The following KDM5A variants were observed in gnomAD, a reference collection of about 807,000 sequenced individuals.
The protein encoded by KDM5A is lysine demethylase 5A.
Under a neutral mutation model 193.5 loss-of-function variants are expected in KDM5A, and 42 were observed. The ratio of observed to expected loss-of-function variants is 0.22; its 90% CI spans 0.17 to 0.28. The LOEUF is 0.28. Among genes scored for constraint, KDM5A ranks in the 10% least tolerant of loss-of-function variants. The probability of loss-of-function intolerance (pLI) is 1.00; values close to 1 mark genes in which losing one functional copy is unlikely to be tolerated. For synonymous variants in KDM5A, 796 were observed against 718.1 expected (o/e 1.11, Z -1.73); for missense variants, 1,692 against 2,055.1 (o/e 0.82, Z 3.42).
intron 17 of KDM5A, 44 bp from the exon 18 acceptor site, chr12:321,153 C>A: frequency 1.5e-6 from 2 of 1,371,374 alleles, no homozygotes; most frequent in South Asian, 2.3e-5. Flanking sequence ...AAAATTCAGT[C>A]ATTCTGATAT....
intron 1 of KDM5A, among the ~76,000 whole-genome samples, chr12:387,924 T>C (rs961298307): frequency 4.6e-5 from 7 of 152,172 alleles, no homozygotes; most frequent in African/African-American, 1.7e-4. Flanking sequence ...TCATTACTAA[T>C]ACTAGACAAA....
chr12:298,333 A>G (rs1943399492), intron 24 of KDM5A, among the ~76,000 whole-genome samples: 1 of 152,226 alleles, frequency 6.6e-6, no homozygotes, highest in African/African-American at 2.4e-5. Flanking sequence ...TCTGGGATGA[A>G]GCTTCCAGAG....
rs183355698 is a variant in KDM5A at position 373,464 on chromosome 12, T to G, written c.367-7360A>C. ...TTTATCATTTTTTATTGCGTCTATT[T>G]GATTCTTCTTTCCTTTTTTGTCTTG... On this transcript the variant is annotated intron_variant, in intron 3 of 27. Transcript: ENST00000399788. Among the ~76,000 whole-genome samples, 10 of 152,322 alleles carry G rather than the reference T, an allele frequency of 6.6e-5. No homozygotes were observed. The East Asian group carries it at 1.2e-3, about 18-fold the overall frequency.
chr12:311,110 G>A (rs755594730), intron 20 of KDM5A, 46 bp from the exon 21 acceptor site: 66 of 1,582,096 alleles, frequency 4.2e-5, no homozygotes, highest in Non-Finnish European at 5.3e-5. Flanking sequence ...CTCTTATGGG[G>A]TTTGGCAATA....
chr12:297,240 A>C (rs1441177998), intron 24 of KDM5A, 40 bp from the exon 25 acceptor site: 1 of 1,601,780 alleles, frequency 6.2e-7, no homozygotes, highest in African/African-American at 1.3e-5. Context: ...AATTAGAGTC[A>C]TTTAACTTAT....
Position 313,124 on chromosome 12 carries a change from T to G in KDM5A, c.2968A>C (p.Asn990His), listed in dbSNP as rs551298062. 1 of 1,614,108 alleles carries G rather than the reference T, an allele frequency of 6.2e-7. No individual in the cohort carries two copies. The highest frequency in any genetic ancestry group is 1.3e-5 in the African/African-American group (1 of 75,062). The change falls in exon 20 of 28, where the codon AAT (asparagine) becomes CAT (histidine). Residue 990 changes from asparagine (N) to histidine (H), a missense_variant. Around this residue, in one of 11 missense-constraint regions of KDM5A, gnomAD observed 965 missense variants for 1,061.0 expected, o/e 0.91. Transcript: ENST00000399788. ...AAGGCTTCTTTCAAGGACAACACAT[T>G]GGGTAGAAAGGCTGGAATGTTCTTG... Reference protein sequence around the residue: ...EAKNIPAFLPNVLSLKEALQK... With the variant: ...EAKNIPAFLPHVLSLKEALQK...
At chr12:290,014 C>T (rs1385798221) in intron 27 of KDM5A, among the ~76,000 whole-genome samples, 11 of 148,810 alleles carry the variant, frequency 7.4e-5, no homozygotes, top group East Asian at 2.0e-4. Context: ...CTCACAGGTG[C>T]GATCATAGCA....
Position 281,168 on chromosome 12 carries a change from C to A in KDM5A, c.*4288G>T, listed in dbSNP as rs995895054. 2.1e-5 allele frequency: 5 copies of A among 232,874 alleles called. No homozygotes were observed. Among genetic ancestry groups the A allele is most frequent in the Admixed American group, 1.1e-4 (2 of 17,766 alleles). 14.4% of individuals were successfully genotyped at this position (232,874 alleles called of 1,614,324 possible). A position where few individuals can be genotyped will look rare whatever the true frequency, so the allele number is the denominator to read the frequency against. ...ATATCTAATATTCTTTTAGAAAACA[C>A]AAGAAACACAAAACATGCTCAAAGA... is the stretch of plus-strand genomic sequence containing the variant. On this transcript the variant is annotated 3_prime_UTR_variant, in exon 28 of 28. Coordinates refer to ENST00000399788, the MANE Select transcript of KDM5A (RefSeq NM_001042603.3).
intron 26 of KDM5A, among the ~76,000 whole-genome samples, chr12:294,435 C>A (rs1049017075): frequency 1.3e-5 from 2 of 152,174 alleles, no homozygotes; most frequent in African/African-American, 4.8e-5. Context: ...CAAAAGAACA[C>A]TGGATTATAA....
chr12:344,364 T>C (rs966733978), intron 10 of KDM5A, among the ~76,000 whole-genome samples: 2 of 152,188 alleles, frequency 1.3e-5, no homozygotes, highest in African/African-American at 2.4e-5. Context: ...CCAGGAGAAC[T>C]TCCCCAACCT....
chr12:385,938 A>G lies in KDM5A; in HGVS notation c.202T>C (p.Phe68Leu). The change falls in exon 2 of 28, where the codon TTT (phenylalanine) becomes CTT (leucine). Residue 68 changes from phenylalanine (F) to leucine (L), a missense_variant. Around this residue, in one of 11 missense-constraint regions of KDM5A, gnomAD observed 120 missense variants for 172.0 expected, o/e 0.70. Coordinates refer to ENST00000399788, the MANE Select transcript of KDM5A (RefSeq NM_001042603.3). ...QPPFACEVKS[F>L]RFTPRVQRLN... ...CGCTGGACTCTTGGAGTGAAACGAA[A>G]GCTTTTTACTTCACAGGCAAATGGA... The G allele has an allele frequency of 6.2e-7, 1 of 1,613,972 alleles. No individual in the cohort carries two copies. The highest frequency in any genetic ancestry group is 8.5e-7 in the Non-Finnish European group (1 of 1,179,898).
In KDM5A at chr12:295,878, C is replaced by A. The variant is rs1164599928; in HGVS notation, c.4235-85G>T. The A allele has an allele frequency of 7.6e-6, 8 of 1,055,246 alleles. No individual in the cohort carries two copies. In the Admixed American group the frequency reaches 1.3e-4, roughly 17 times the overall value. The allele number at this position is 1,055,246 out of a possible 1,614,324, so 65.4% of individuals were successfully genotyped here. A position where few individuals can be genotyped will look rare whatever the true frequency, so the allele number is the denominator to read the frequency against. On this transcript the variant is annotated intron_variant, in intron 25 of 27. Transcript: ENST00000399788. ...TTTTCAAAGCAAATATTGAGACTAG[C>A]CCCCCATCCCCCAATACTAACTTCA...
At chr12:366,461 T>A (rs561041075) in intron 3 of KDM5A, among the ~76,000 whole-genome samples, 1 of 152,178 alleles carries the variant, frequency 6.6e-6, no homozygotes, top group East Asian at 1.9e-4. Flanking sequence ...AAAATAGATA[T>A]GAAAATAAAT....
At chr12:314,498 C>T (rs745542415) in intron 19 of KDM5A, among the ~76,000 whole-genome samples, 7 of 151,866 alleles carry the variant, frequency 4.6e-5, no homozygotes, top group South Asian at 2.1e-4. Flanking sequence ...CCCAGCCTCA[C>T]GAAACTTTTT....
At chr12:320,494 C>T (rs780358895) in intron 18 of KDM5A, among the ~76,000 whole-genome samples, 5 of 152,080 alleles carry the variant, frequency 3.3e-5, no homozygotes, top group Non-Finnish European at 7.4e-5. Context: ...AGACTCCCAT[C>T]TCAAAAACAA....
At chr12:330,159 G>A (rs946613800) in intron 13 of KDM5A, among the ~76,000 whole-genome samples, 3 of 148,906 alleles carry the variant, frequency 2.0e-5, no homozygotes, top group South Asian at 4.2e-4. Context: ...TCTTAAATAC[G>A]TACTCTTTAA....
intron 3 of KDM5A, among the ~76,000 whole-genome samples, chr12:375,138 G>A (rs1244204876): frequency 6.6e-6 from 1 of 152,136 alleles, no homozygotes; most frequent in Non-Finnish European, 1.5e-5. Context: ...GCTAGGTTGG[G>A]GAAGTTCTCC....
chr12:388,577 G>T (rs550092192), intron 1 of KDM5A: 1 of 383,546 alleles, frequency 2.6e-6, no homozygotes, highest in African/African-American at 2.1e-5. Context: ...AGAGATAGCC[G>T]ACTATCAAAC....
chr12:293,969 T>G (rs924493890), intron 26 of KDM5A, among the ~76,000 whole-genome samples: 6 of 129,078 alleles, frequency 4.6e-5, no homozygotes, highest in African/African-American at 1.9e-4. Context: ...GCATAATATA[T>G]TAACAGTCTG....
Sources: gnomAD v4.1 joint callset for allele counts (sites outside exome capture counted in the v4.1 genomes callset) on GRCh38, gnomAD v4.1.1 for gene constraint, gnomAD v4.1.1 regional missense constraint, MANE v1.5 for transcripts, NCBI Gene and HGNC (gene_info 2026-07-23, HGNC 2026-07-21) for gene names.